Variants in TEK observed in about 807,000 individuals in gnomAD.
TEK encodes TEK receptor tyrosine kinase, also known as angiopoietin-1 receptor.
TEK carries 43 observed loss-of-function variants against 131.8 expected under a neutral mutation model. That is an observed-to-expected ratio of 0.33 (90% CI 0.26 to 0.42). The LOEUF (loss-of-function observed/expected upper bound fraction) is 0.42, where lower values mean the gene tolerates loss of function less well. Among genes scored for constraint, TEK ranks in the 10% least tolerant of loss-of-function variants. The probability of loss-of-function intolerance (pLI) is 1.00; values close to 1 mark genes in which losing one functional copy is unlikely to be tolerated. For synonymous variants in TEK, 580 were observed against 491.6 expected (o/e 1.18, Z -2.38); for missense variants, 1,162 against 1,384.4 (o/e 0.84, Z 2.55).
At chr9:27,205,163 A>G in intron 14 of TEK, 98 bp downstream of exon 14, 1 of 1,472,956 alleles carries the variant, frequency 6.8e-7, no homozygotes, top group Non-Finnish European at 9.4e-7. Context: ...CTTATAAAGT[A>G]AATATTTCCC....
In TEK at chr9:27,226,574, G is replaced by A. The variant is rs541702114; in HGVS notation, c.3201-1632G>A. Among the ~76,000 whole-genome samples, 14 of 151,768 alleles carry A rather than the reference G, an allele frequency of 9.2e-5. No homozygotes were observed. The South Asian group carries it at 1.0e-3, about 11-fold the overall frequency. On this transcript the variant is annotated intron_variant, in intron 21 of 22. Coordinates refer to ENST00000380036, the MANE Select transcript of TEK (RefSeq NM_000459.5). ...GGGAGGGGAATATCACACGCCTATC[G>A]GGGGGTGGGGGCTAGGGGAGGGATA...
chr9:27,169,410 G>T lies in TEK; in HGVS notation c.476-67G>T, dbSNP rs1430229737. On this transcript the variant is annotated intron_variant, in intron 3 of 22. Transcript: ENST00000380036. ...TGTCAGGGAAAGCTAATTAAGTGGA[G>T]AAACCAGACAAGGAAGCAGGTATGT... is the stretch of plus-strand genomic sequence containing the variant. The T allele has an allele frequency of 4.4e-6, 7 of 1,605,426 alleles. No individual in the cohort carries two copies. The African/African-American group carries it at 8.0e-5, about 18-fold the overall frequency.
chr9:27,135,614 T>C (rs1230455914), intron 1 of TEK, among the ~76,000 whole-genome samples: 1 of 152,146 alleles, frequency 6.6e-6, no homozygotes, highest in East Asian at 1.9e-4. Flanking sequence ...CTCAGGGAAA[T>C]GCTTAGAAAT....
chr9:27,185,980 G>C (rs1345399100), intron 9 of TEK, among the ~76,000 whole-genome samples: 2 of 152,166 alleles, frequency 1.3e-5, no homozygotes, highest in East Asian at 1.9e-4. Context: ...AATACTTGGA[G>C]TTGTGTCAGG....
intron 16 of TEK, among the ~76,000 whole-genome samples, chr9:27,211,803 T>C (rs1353177252): frequency 6.6e-6 from 1 of 151,888 alleles, no homozygotes; most frequent in East Asian, 1.9e-4. Flanking sequence ...TTTAAAAACA[T>C]GGTTTGCCCA....
intron 9 of TEK, among the ~76,000 whole-genome samples, chr9:27,186,392 C>G (rs1282884914): frequency 6.6e-6 from 1 of 152,164 alleles, no homozygotes; most frequent in Non-Finnish European, 1.5e-5. Flanking sequence ...AGGAAAGATA[C>G]TAGGCTAAGA....
At chr9:27,197,734 C>T (rs1825080868) in intron 12 of TEK, 135 bp downstream of exon 12, 1 of 1,063,398 alleles carries the variant, frequency 9.4e-7, no homozygotes, top group Non-Finnish European at 1.4e-6. Flanking sequence ...ATTAGTGCCC[C>T]CCACCTAATC....
intron 21 of TEK, among the ~76,000 whole-genome samples, chr9:27,227,891 C>G (rs375145381): frequency 1.5e-4 from 23 of 152,264 alleles, no homozygotes; most frequent in African/African-American, 5.5e-4. Flanking sequence ...TTAAGAGACA[C>G]TAACATTTTG....
rs150295029 is a variant in TEK, at chr9:27,215,674, C to G, written c.2992-2014C>G. ...CTATCATAGATTAATATATCCATCC[C>G]GTCATCATGGATTTGTTAGTACAAT... On this transcript the variant is annotated intron_variant, in intron 18 of 22. Coordinates refer to ENST00000380036, the MANE Select transcript of TEK (RefSeq NM_000459.5). Among the ~76,000 whole-genome samples, 658 of 151,938 alleles carry G rather than the reference C, an allele frequency of 4.3e-3. 3 individuals are homozygous for G. The highest frequency in any genetic ancestry group is 0.014 in the Middle Eastern group (4 of 294).
intron 16 of TEK, 113 bp from the exon 17 acceptor site, chr9:27,212,594 A>G: frequency 9.0e-7 from 1 of 1,108,946 alleles, no homozygotes; most frequent in East Asian, 2.5e-5. Context: ...TGGTGTTGCT[A>G]GATGTGTTTT....
chr9:27,216,188 A>T (rs1024899454), intron 18 of TEK, among the ~76,000 whole-genome samples: 2 of 152,184 alleles, frequency 1.3e-5, no homozygotes, highest in Non-Finnish European at 2.9e-5. Context: ...TTTAAGGAAT[A>T]GAACTACATG....
intron 13 of TEK, 52 bp downstream of exon 13, chr9:27,203,171 C>T (rs1445735781): frequency 1.9e-6 from 3 of 1,596,512 alleles, no homozygotes; most frequent in Non-Finnish European, 1.7e-6. Context: ...GCCCTATAGG[C>T]AGCTGGTTTA....
At chr9:27,175,800 C>T (rs79913093) in intron 6 of TEK, among the ~76,000 whole-genome samples, 5,723 of 152,218 alleles carry the variant, frequency 0.038, 348 homozygotes, top group African/African-American at 0.13. Flanking sequence ...AGAGAAGTGT[C>T]TCTTCATATC....
intron 2 of TEK, among the ~76,000 whole-genome samples, chr9:27,166,076 C>CA (rs1294010542): frequency 6.6e-6 from 1 of 152,266 alleles, no homozygotes; most frequent in Non-Finnish European, 1.5e-5. Flanking sequence ...GCACAGCGAC[C>CA]AGCTGGTTCA....
intron 1 of TEK, among the ~76,000 whole-genome samples, chr9:27,122,608 G>T (rs757245523): frequency 6.6e-6 from 1 of 152,058 alleles, no homozygotes; most frequent in Non-Finnish European, 1.5e-5. Context: ...AGGATGAAGC[G>T]GTGTGAGGTA....
chr9:27,190,635 C>G lies in TEK; in HGVS notation c.1434C>G (p.Ser478=), dbSNP rs1564086729. 6.2e-7 allele frequency: 1 copy of G among 1,614,010 alleles called. No individual in the cohort carries two copies. ...ACTTTGGGGATGGACCAATCAAATC[C>G]AAGAAGCTTCTATACAAACCCGTTA... ...EPYFGDGPIK[S]KKLLYKPVNH... Residue 478 remains serine (S), a synonymous_variant, in exon 10 of 23, where the codon TCC becomes TCG. Coordinates refer to ENST00000380036, the MANE Select transcript of TEK (RefSeq NM_000459.5).
chr9:27,217,622 A>C, intron 18 of TEK, 66 bp from the exon 19 acceptor site: 1 of 1,423,254 alleles, frequency 7.0e-7, no homozygotes, highest in East Asian at 2.3e-5. Flanking sequence ...GCCACAGCTC[A>C]GGCAGGCTGA....
At chr9:27,121,901 G>A (rs74493114) in intron 1 of TEK, among the ~76,000 whole-genome samples, 3,177 of 152,332 alleles carry the variant, frequency 0.021, 122 homozygotes, top group African/African-American at 0.073. Flanking sequence ...TGTAATTAAT[G>A]CTATCCTAGT....
At position 27,160,196 on chromosome 9, in the gene TEK, G is replaced by A. The variant is rs376112384; in HGVS notation, c.364+2054G>A. Among the ~76,000 whole-genome samples the A allele has an allele frequency of 5.3e-5, 8 of 151,650 alleles. No individual in the cohort carries two copies. In the South Asian group the frequency reaches 6.3e-4, roughly 12 times the overall value. Reference sequence around the variant, plus strand: ...CACCACCATGCCTGGCTAATTAAACGAATTTTTCATAGATATGGGGGTCCT... The same window carrying A: ...CACCACCATGCCTGGCTAATTAAACAAATTTTTCATAGATATGGGGGTCCT... On this transcript the variant is annotated intron_variant, in intron 2 of 22. Coordinates refer to ENST00000380036, the MANE Select transcript of TEK (RefSeq NM_000459.5).
Sources: gnomAD v4.1 joint callset for allele counts (sites outside exome capture counted in the v4.1 genomes callset) on GRCh38, gnomAD v4.1.1 for gene constraint, MANE v1.5 for transcripts, NCBI Gene and HGNC (gene_info 2026-07-23, HGNC 2026-07-21) for gene names.